PRUNE2: variants seen among roughly 807,000 people sequenced by gnomAD.
PRUNE2 encodes the protein prune homolog 2 with BCH domain, also known as protein prune homolog 2.
In PRUNE2, 164 loss-of-function variants were observed where a neutral mutation model predicts 252.0. That is an observed-to-expected ratio of 0.65 (90% CI 0.57 to 0.74). The LOEUF (loss-of-function observed/expected upper bound fraction) is 0.74, where lower values mean the gene tolerates loss of function less well. PRUNE2 is among the 30% of genes least tolerant of loss of function. The pLI is 0.00. For synonymous variants in PRUNE2, 1,292 were observed against 1,350.2 expected (o/e 0.96, Z 0.94); for missense variants, 3,495 against 3,711.0 (o/e 0.94, Z 1.51).
At chr9:76,750,361 C>A (rs1242983188) in intron 6 of PRUNE2, among the ~76,000 whole-genome samples, 2 of 152,166 alleles carry the variant, frequency 1.3e-5, no homozygotes, top group Non-Finnish European at 2.9e-5. Context: ...GGCTTGCACT[C>A]ATTCCAGGTA....
At chr9:76,642,171 C>G (rs1271319722) in intron 12 of PRUNE2, among the ~76,000 whole-genome samples, 3 of 151,902 alleles carry the variant, frequency 2.0e-5, no homozygotes, top group Non-Finnish European at 4.4e-5. Flanking sequence ...CATTCAAACC[C>G]CTCTTTGCTT....
At chr9:76,842,719 G>GA (rs2059458686) in intron 4 of PRUNE2, among the ~76,000 whole-genome samples, 1 of 152,032 alleles carries the variant, frequency 6.6e-6, no homozygotes, top group Non-Finnish European at 1.5e-5. Flanking sequence ...CAAACATATG[G>GA]AAAAAAAGCT....
At chr9:76,739,587 C>A (rs1025184997) in intron 6 of PRUNE2, 1 of 151,236 alleles carries the variant, frequency 6.6e-6, no homozygotes, top group Non-Finnish European at 1.5e-5. Flanking sequence ...ATAATGTATA[C>A]TATGAATCAA....
intron 6 of PRUNE2, among the ~76,000 whole-genome samples, chr9:76,727,846 C>A (rs1022390468): frequency 1.3e-5 from 2 of 150,592 alleles, no homozygotes; most frequent in African/African-American, 2.4e-5. Context: ...CCCCGAGTAA[C>A]TGGGACTACA....
rs553912595 is a variant in PRUNE2, at chr9:76,679,166, G to T, written c.8277-23664C>A. Among the ~76,000 whole-genome samples, 28 of 152,310 alleles carry T rather than the reference G, an allele frequency of 1.8e-4. No homozygotes were observed. The South Asian group carries it at 5.6e-3, about 30-fold the overall frequency. ...TACTTACTTAGAAAGTTGTTGTAAG[G>T]ATTAAATGCGTTGATTTAGGTAGGG... On this transcript the variant is annotated intron_variant, in intron 9 of 18. Transcript: ENST00000376718.
At chr9:76,636,973 ATGTGTGTGTGTGTG>A (rs71354667) in intron 14 of PRUNE2, among the ~76,000 whole-genome samples, 7 of 145,506 alleles carry the variant, frequency 4.8e-5, no homozygotes, top group Admixed American at 4.7e-4. Flanking sequence ...AACAACAAAA[ATGTGTGTGTGTGTG>A]TGTGTGTGTG....
intron 6 of PRUNE2, among the ~76,000 whole-genome samples, chr9:76,804,722 G>A (rs892802104): frequency 2.0e-5 from 3 of 152,194 alleles, no homozygotes; most frequent in Admixed American, 6.5e-5. Context: ...TGGGGGCAGC[G>A]TGCTTGTTCC....
rs2046110120 is a variant in PRUNE2, at chr9:76,704,044, C to T, written c.7569G>A (p.Glu2523=). 2 of 1,608,034 alleles carry T rather than the reference C, an allele frequency of 1.2e-6. No homozygotes were observed. The highest frequency in any genetic ancestry group is 1.7e-6 in the Non-Finnish European group (2 of 1,178,478). Residue 2523 remains glutamate, a synonymous_variant, in exon 9 of 19, where the codon GAG becomes GAA. Transcript: ENST00000376718. Reference sequence around the variant, plus strand: ...TGTATTCTGATTTTATCTGCTCAGGCTCTTTGGTAGGAATTGTTTTTTCTT... The same window carrying T: ...TGTATTCTGATTTTATCTGCTCAGGTTCTTTGGTAGGAATTGTTTTTTCTT... ...LEEEKTIPTK[E]PEQIKSEYKE...
intron 6 of PRUNE2, among the ~76,000 whole-genome samples, chr9:76,807,044 G>A (rs1433697583): frequency 1.4e-5 from 2 of 147,794 alleles, no homozygotes; most frequent in Non-Finnish European, 3.0e-5. Flanking sequence ...GTGTGTGTGT[G>A]TGTGTGTGCG....
intron 6 of PRUNE2, among the ~76,000 whole-genome samples, chr9:76,804,024 C>G (rs927352887): frequency 1.3e-5 from 2 of 152,114 alleles, no homozygotes; most frequent in African/African-American, 2.4e-5. Flanking sequence ...TGTGTTCACT[C>G]TAAGTCAGGC....
intron 6 of PRUNE2, among the ~76,000 whole-genome samples, chr9:76,805,699 G>A (rs2056887847): frequency 6.6e-6 from 1 of 152,192 alleles, no homozygotes; most frequent in African/African-American, 2.4e-5. Flanking sequence ...CTACTAAATT[G>A]TGTCCACAGC....
intron 11 of PRUNE2, chr9:76,651,931 T>C (rs1847564334): frequency 6.6e-6 from 1 of 152,134 alleles, no homozygotes; most frequent in Non-Finnish European, 1.5e-5. Flanking sequence ...GAAAATAAAA[T>C]GAACACTGGG....
At chr9:76,885,673 T>G (rs534506572) in intron 1 of PRUNE2, among the ~76,000 whole-genome samples, 1 of 152,166 alleles carries the variant, frequency 6.6e-6, no homozygotes, top group Non-Finnish European at 1.5e-5. Flanking sequence ...ACGATGGCTA[T>G]GCATGTAGAC....
rs776174543 is a variant in PRUNE2, at chr9:76,705,732, G to A, written c.6542C>T (p.Ser2181Phe). Residue 2181 changes from serine to phenylalanine, a missense_variant, in exon 8 of 19, where the codon TCT becomes TTT. Physicochemically the swap from Ser to Phe is radical, Grantham distance 155 (BLOSUM62 -2). Coordinates refer to ENST00000376718, the MANE Select transcript of PRUNE2 (RefSeq NM_015225.3). ...IGYQADIKGS[S>F]QPASHKGSPE... ...TGAACCTTTATGAGAGGCGGGCTGA[G>A]AGGAGCCCTTTATGTCTGCTTGATA... 8.1e-6 allele frequency: 13 copies of A among 1,613,982 alleles called. No homozygotes were observed. Among genetic ancestry groups the A allele is most frequent in the South Asian group, 1.1e-5 (1 of 91,084 alleles).
chr9:76,665,810 G>C (rs141853968), intron 9 of PRUNE2, among the ~76,000 whole-genome samples: 1,567 of 152,244 alleles, frequency 0.01, 28 homozygotes, highest in African/African-American at 0.036. Flanking sequence ...GAGGTGGGCA[G>C]ATCACCTGAG....
At chr9:76,835,405 C>T (rs1311791389) in intron 4 of PRUNE2, among the ~76,000 whole-genome samples, 1 of 151,826 alleles carries the variant, frequency 6.6e-6, no homozygotes, top group African/African-American at 2.4e-5. Context: ...AAAAGAAATA[C>T]AACTTAGTTT....
intron 1 of PRUNE2, among the ~76,000 whole-genome samples, chr9:76,883,287 T>C (rs1265225082): frequency 6.6e-6 from 1 of 152,134 alleles, no homozygotes; most frequent in Admixed American, 6.5e-5. Flanking sequence ...CTCCCCACAG[T>C]AAAAAAACAT....
At chr9:76,721,245 T>G (rs1346073718) in intron 6 of PRUNE2, among the ~76,000 whole-genome samples, 1 of 152,242 alleles carries the variant, frequency 6.6e-6, no homozygotes, top group Non-Finnish European at 1.5e-5. Context: ...TAAAAAAATG[T>G]ATAGTGATTT....
intron 9 of PRUNE2, 120 bp from the exon 10 acceptor site, chr9:76,655,622 T>C (rs750741131): frequency 6.8e-6 from 5 of 740,672 alleles, no homozygotes; most frequent in Non-Finnish European, 1.2e-5. Context: ...AAACCATGTA[T>C]GGGGACTGAA....
Sources: allele counts gnomAD v4.1 joint callset (sites outside exome capture counted in the v4.1 genomes callset), GRCh38; gene constraint gnomAD v4.1.1; transcripts MANE v1.5; gene names NCBI Gene and HGNC (gene_info 2026-07-23, HGNC 2026-07-21).